The following SPEF2 variants were observed in gnomAD, a reference collection of about 807,000 sequenced individuals.
SPEF2 encodes the protein sperm flagella and cilia-associated protein 2.
Under a neutral mutation model 224.6 loss-of-function variants are expected in SPEF2, and 187 were observed. That is an observed-to-expected ratio of 0.83 (90% CI 0.74 to 0.94). SPEF2 has a LOEUF of 0.94. Among genes scored for constraint, SPEF2 ranks in the 40% least tolerant of loss-of-function variants. SPEF2 has a pLI of 0.00. For missense variants in SPEF2, 2,170 were observed against 2,135.6 expected (o/e 1.02, Z -0.32); for synonymous variants, 715 against 707.3 (o/e 1.01, Z -0.17).
chr5:35,686,093 G>A (rs894672998), intron 10 of SPEF2, among the ~76,000 whole-genome samples: 5 of 152,038 alleles, frequency 3.3e-5, no homozygotes, highest in African/African-American at 9.7e-5. Context: ...ACATTAAGAT[G>A]ATTAGGGGCA....
intron 30 of SPEF2, among the ~76,000 whole-genome samples, chr5:35,781,143 T>G (rs1162833462): frequency 6.6e-6 from 1 of 151,400 alleles, no homozygotes; most frequent in Non-Finnish European, 1.5e-5. Context: ...GAAACGGAGT[T>G]GTTTTTTTTT....
chr5:35,670,665 T>A, intron 10 of SPEF2: 1 of 985,732 alleles, frequency 1.0e-6, no homozygotes, highest in Non-Finnish European at 1.2e-6. Context: ...ATAGCATAGA[T>A]TCAAACAATC....
intron 20 of SPEF2, among the ~76,000 whole-genome samples, chr5:35,724,041 A>G (rs1306824934): frequency 6.6e-6 from 1 of 152,212 alleles, no homozygotes; most frequent in Non-Finnish European, 1.5e-5. Flanking sequence ...ACCAGGCACT[A>G]CACAAGATGA....
intron 26 of SPEF2, among the ~76,000 whole-genome samples, chr5:35,766,756 T>G (rs1285800316): frequency 3.3e-5 from 5 of 151,956 alleles, no homozygotes; most frequent in African/African-American, 1.2e-4. Context: ...CTTTTTTTTC[T>G]AACATACACA....
chr5:35,740,400 G>A (rs1747411069), intron 23 of SPEF2, 133 bp downstream of exon 23: 1 of 1,196,456 alleles, frequency 8.4e-7, no homozygotes, highest in African/African-American at 1.5e-5. Flanking sequence ...CTATTAACCA[G>A]GTAACTTTCA....
At chr5:35,674,337 C>T (rs956327592) in intron 10 of SPEF2, among the ~76,000 whole-genome samples, 2,067 of 94,158 alleles carry the variant, frequency 0.022, 25 homozygotes, top group South Asian at 0.085. Context: ...TTTTCGTCTT[C>T]TTTTTTTTTT....
intron 32 of SPEF2, among the ~76,000 whole-genome samples, chr5:35,795,487 A>C (rs1412882048): frequency 6.6e-6 from 1 of 152,192 alleles, no homozygotes; most frequent in African/African-American, 2.4e-5. Context: ...CATTATGAAC[A>C]TAATCAAAGA....
At chr5:35,618,089 G>A in intron 1 of SPEF2, 34 bp downstream of exon 1, 1 of 1,561,506 alleles carries the variant, frequency 6.4e-7, no homozygotes, top group South Asian at 1.2e-5. Context: ...AGCGTCTGAG[G>A]GGCTAGCGGG....
chr5:35,664,679 G>A (rs924572713), intron 8 of SPEF2, among the ~76,000 whole-genome samples: 8 of 149,808 alleles, frequency 5.3e-5, no homozygotes, highest in African/African-American at 1.5e-4. Flanking sequence ...ACTCCATCTC[G>A]GGGGAAAGGA....
intron 20 of SPEF2, among the ~76,000 whole-genome samples, chr5:35,722,766 G>A (rs547334005): frequency 1.1e-4 from 17 of 150,360 alleles, no homozygotes; most frequent in African/African-American, 4.2e-4. Flanking sequence ...ATAGTTTACT[G>A]AGAATGATGA....
intron 6 of SPEF2, among the ~76,000 whole-genome samples, chr5:35,651,097 A>T (rs1010802468): frequency 1.3e-5 from 2 of 152,228 alleles, no homozygotes; most frequent in Non-Finnish European, 2.9e-5. Flanking sequence ...AAAAAAGTAG[A>T]TATCTCCTAT....
intron 2 of SPEF2, among the ~76,000 whole-genome samples, chr5:35,635,852 T>C (rs1189820417): frequency 3.9e-5 from 6 of 152,220 alleles, no homozygotes; most frequent in Non-Finnish European, 4.4e-5. Context: ...ACTTTTTTTT[T>C]CTAAACAGGA....
chr5:35,670,476 G>C, intron 10 of SPEF2: 1 of 1,116,130 alleles, frequency 9.0e-7, no homozygotes, highest in East Asian at 5.1e-5. Flanking sequence ...TAATTGTCTG[G>C]GTAGACAGAT....
intron 1 of SPEF2, among the ~76,000 whole-genome samples, chr5:35,627,438 T>C: frequency 6.6e-6 from 1 of 151,832 alleles, no homozygotes; most frequent in East Asian, 1.9e-4. Flanking sequence ...CCCTCTCTAC[T>C]AAAAATACAA....
intron 1 of SPEF2, among the ~76,000 whole-genome samples, chr5:35,622,877 G>T (rs187057027): frequency 6.6e-6 from 1 of 152,086 alleles, no homozygotes; most frequent in East Asian, 1.9e-4. Context: ...ATTAAAGAGG[G>T]TTATAATATA....
chr5:35,625,443 T>G (rs1047529245), intron 1 of SPEF2, among the ~76,000 whole-genome samples: 3 of 152,218 alleles, frequency 2.0e-5, no homozygotes. Flanking sequence ...CAGTTATTCC[T>G]GGGCTAGACT....
intron 14 of SPEF2, among the ~76,000 whole-genome samples, chr5:35,697,291 C>A (rs146202269): frequency 6.6e-6 from 1 of 152,246 alleles, no homozygotes; most frequent in Non-Finnish European, 1.5e-5. Context: ...GGCAGAAAAT[C>A]TGTGGAATTT....
intron 33 of SPEF2, among the ~76,000 whole-genome samples, 167 bp downstream of exon 33, chr5:35,795,962 GAGA>G (rs948453869): frequency 2.0e-5 from 3 of 152,198 alleles, no homozygotes; most frequent in African/African-American, 7.2e-5. Flanking sequence ...AGGCAGTGTA[GAGA>G]AGTTCTGGGG....
rs2149478958 is a variant in SPEF2, at chr5:35,670,233, T to C, written c.1524+6T>C. 1 of 1,586,492 alleles carries C rather than the reference T, an allele frequency of 6.3e-7. No homozygotes were observed. The highest frequency in any genetic ancestry group is 8.5e-7 in the Non-Finnish European group (1 of 1,169,842). ...ATGATTATGAAGAATATAAGGTACC[T>C]ACTGATATGAAATAATTAGAATGCT... On this transcript the variant is annotated splice_donor_region_variant and intron_variant, in intron 10 of 36. Transcript: ENST00000356031.
Sources: gnomAD v4.1 joint callset for allele counts (sites outside exome capture counted in the v4.1 genomes callset) on GRCh38, gnomAD v4.1.1 for gene constraint, MANE v1.5 for transcripts, NCBI Gene and HGNC (gene_info 2026-07-23, HGNC 2026-07-21) for gene names.